FRMD4B: variants seen among roughly 807,000 people sequenced by gnomAD.
The protein encoded by FRMD4B is FERM domain-containing protein 4B.
Under a neutral mutation model 141.5 loss-of-function variants are expected in FRMD4B, and 74 were observed. The ratio of observed to expected loss-of-function variants is 0.52; its 90% CI spans 0.43 to 0.63. The LOEUF is 0.63. Among genes scored for constraint, FRMD4B ranks in the 30% least tolerant of loss-of-function variants. The pLI is 0.00. For synonymous variants in FRMD4B, 506 were observed against 467.9 expected, an observed-to-expected ratio of 1.08 and a Z score of -1.05; for missense variants, 1,366 against 1,253.4, an observed-to-expected ratio of 1.09 and a Z score of -1.36.
intron 1 of FRMD4B, among the ~76,000 whole-genome samples, chr3:69,376,204 C>CA (rs989706399): frequency 1.3e-5 from 2 of 151,896 alleles, no homozygotes; most frequent in African/African-American, 4.8e-5. Flanking sequence ...GGAAGAGGTA[C>CA]AAAGGAGGTT....
Position 69,458,907 on chromosome 3 carries a change from G to A in FRMD4B, c.-128-26146C>T, listed in dbSNP as rs765131805. Among the ~76,000 whole-genome samples the A allele has an allele frequency of 3.4e-5, 5 of 148,764 alleles. No individual in the cohort carries two copies. The South Asian group carries it at 8.6e-4, about 26-fold the overall frequency. ...ATTTGCTCCAAAGACCCACCACTTC[G>A]GATTCACAAAGATGTCACTTAAAAT... On this transcript the variant is annotated intron_variant, in intron 1 of 5. Transcript: ENST00000459638.
intron 11 of FRMD4B, among the ~76,000 whole-genome samples, chr3:69,215,400 C>T (rs1181340226): frequency 6.8e-6 from 1 of 146,006 alleles, no homozygotes; most frequent in Admixed American, 7.0e-5. Context: ...TCAAGCAATG[C>T]TCGTGCCTCA....
Position 69,196,335 on chromosome 3 carries a change from G to A in FRMD4B, c.1154C>T (p.Thr385Ile), listed in dbSNP as rs2092903694. 5.6e-6 allele frequency: 9 copies of A among 1,610,778 alleles called. No individual in the cohort carries two copies. The highest frequency in any genetic ancestry group is 1.7e-5 in the Admixed American group (1 of 59,376). ...TGTCACCAGCTTGGAGGCCCTTTGTGTTCCTGTCTCTGTCAAATCCATTGC... is the reference window on the plus strand; with the variant it reads ...TGTCACCAGCTTGGAGGCCCTTTGTATTCCTGTCTCTGTCAAATCCATTGC... ...EIAMDLTETGTQRASKLVTLE... is the reference protein window; with the variant it reads ...EIAMDLTETGIQRASKLVTLE... The change falls in exon 14 of 23, where the codon ACA (threonine) becomes ATA (isoleucine). Residue 385 changes from threonine to isoleucine, a missense_variant. Thr to Ile is a moderately conservative substitution (Grantham distance 89, BLOSUM62 -1). Coordinates refer to ENST00000398540, the MANE Select transcript of FRMD4B (RefSeq NM_015123.3).
intron 5 of FRMD4B, among the ~76,000 whole-genome samples, chr3:69,258,253 A>C (rs1444629466): frequency 6.6e-6 from 1 of 152,208 alleles, no homozygotes; most frequent in Non-Finnish European, 1.5e-5. Context: ...GGCGTGAGCC[A>C]CTGCGCCCAG....
chr3:69,199,687 C>G (rs1212959081), intron 11 of FRMD4B, among the ~76,000 whole-genome samples: 2 of 152,194 alleles, frequency 1.3e-5, no homozygotes, highest in East Asian at 3.8e-4. Flanking sequence ...TTGAACATAG[C>G]TAGCTCCCAG....
At chr3:69,280,025 G>A (rs1307156474) in intron 5 of FRMD4B, among the ~76,000 whole-genome samples, 1 of 152,114 alleles carries the variant, frequency 6.6e-6, no homozygotes, top group East Asian at 1.9e-4. Context: ...GGTGGTCCAT[G>A]TTGGCTGATT....
At chr3:69,523,643 A>C (rs1243940074) in intron 1 of FRMD4B, among the ~76,000 whole-genome samples, 1 of 152,150 alleles carries the variant, frequency 6.6e-6, no homozygotes, top group Non-Finnish European at 1.5e-5. Flanking sequence ...AGTGTCACAG[A>C]GCCATATTTA....
At chr3:69,415,676 C>T (rs1200503159) in intron 2 of FRMD4B, among the ~76,000 whole-genome samples, 1 of 152,226 alleles carries the variant, frequency 6.6e-6, no homozygotes, top group African/African-American at 2.4e-5. Flanking sequence ...CTTCTTAGAA[C>T]AGCAATTATT....
intron 7 of FRMD4B, among the ~76,000 whole-genome samples, chr3:69,232,925 T>C (rs1219495558): frequency 2.7e-5 from 4 of 149,466 alleles, no homozygotes; most frequent in Non-Finnish European, 5.9e-5. Context: ...TTTTTTTTTT[T>C]TTTTTTGGTA....
chr3:69,443,175 G>T (rs941847107), intron 1 of FRMD4B, among the ~76,000 whole-genome samples: 1 of 152,270 alleles, frequency 6.6e-6, no homozygotes, highest in Admixed American at 6.5e-5. Flanking sequence ...GGGGAGAGGG[G>T]CTGGAGGTTG....
chr3:69,425,122 A>G (rs1452769809), intron 2 of FRMD4B, among the ~76,000 whole-genome samples: 1 of 152,170 alleles, frequency 6.6e-6, no homozygotes, highest in Non-Finnish European at 1.5e-5. Context: ...TGGTGTTATT[A>G]TCTCTTATCA....
At chr3:69,177,895 T>A (rs1448529801) in intron 21 of FRMD4B, among the ~76,000 whole-genome samples, 1 of 151,990 alleles carries the variant, frequency 6.6e-6, no homozygotes, top group Non-Finnish European at 1.5e-5. Context: ...CTATTTTTTG[T>A]CTTAAAAAAA....
intron 1 of FRMD4B, among the ~76,000 whole-genome samples, chr3:69,323,608 GTATATATATATA>G (rs55847019): frequency 0.033 from 3,326 of 101,570 alleles, 86 homozygotes; most frequent in South Asian, 0.089. Context: ...CTCTCTCTGT[GTATATATATATA>G]TATATATATA....
Position 69,178,027 on chromosome 3 carries a change from T to G in FRMD4B, c.2852-1371A>C, listed in dbSNP as rs1296584466. Among the ~76,000 whole-genome samples, 4 of 152,144 alleles carry G rather than the reference T, an allele frequency of 2.6e-5. No individual in the cohort carries two copies. The East Asian group carries it at 5.8e-4, about 22-fold the overall frequency. Reference sequence around the variant, plus strand: ...ACTGAACTGGAACAAGACAAGGACATAATTTGGGAGCGAAGCCCAACAAAT... The same window carrying G: ...ACTGAACTGGAACAAGACAAGGACAGAATTTGGGAGCGAAGCCCAACAAAT... On this transcript the variant is annotated intron_variant, in intron 21 of 22. Transcript: ENST00000398540.
chr3:69,314,182 A>C (rs1575721810), intron 1 of FRMD4B, among the ~76,000 whole-genome samples: 1 of 100,318 alleles, frequency 1.0e-5, no homozygotes, highest in Non-Finnish European at 1.8e-5. Context: ...AAGCCTCTCC[A>C]TCCCAGAGGA....
intron 1 of FRMD4B, among the ~76,000 whole-genome samples, chr3:69,480,086 G>A (rs532359323): frequency 1.6e-4 from 25 of 152,160 alleles, no homozygotes; most frequent in Middle Eastern, 3.4e-3. Context: ...CTCTGTATTG[G>A]TTATTCTAGT....
At chr3:69,486,287 T>C (rs1292929229) in intron 1 of FRMD4B, among the ~76,000 whole-genome samples, 1 of 152,202 alleles carries the variant, frequency 6.6e-6, no homozygotes, top group Non-Finnish European at 1.5e-5. Context: ...GTAAGTTCTT[T>C]AGTGATCTGT....
chr3:69,219,541 G>A (rs112129325), intron 9 of FRMD4B, among the ~76,000 whole-genome samples: 21 of 151,732 alleles, frequency 1.4e-4, no homozygotes, highest in South Asian at 2.1e-4. Flanking sequence ...AAATGAAACC[G>A]TCTCTTAGAT....
At position 69,501,929 on chromosome 3, in the gene FRMD4B, C is replaced by T. The variant is rs193276961; in HGVS notation, c.-129+40277G>A. On this transcript the variant is annotated intron_variant, in intron 1 of 5. Coordinates refer to the FRMD4B transcript ENST00000459638. Reference sequence around the variant, plus strand: ...CAAATCATGAGTGAATTCCCGTTCACAATTGCTTCAAAGAGAATAAAATAC... The same window carrying T: ...CAAATCATGAGTGAATTCCCGTTCATAATTGCTTCAAAGAGAATAAAATAC... Among the ~76,000 whole-genome samples, 252 of 152,264 alleles carry T rather than the reference C, an allele frequency of 1.7e-3. 1 individual carries two copies. Among genetic ancestry groups the T allele is most frequent in the African/African-American group, 5.8e-3 (241 of 41,540 alleles).
Sources: allele counts gnomAD v4.1 joint callset (sites outside exome capture counted in the v4.1 genomes callset), GRCh38; gene constraint gnomAD v4.1.1; transcripts MANE v1.5; gene names NCBI Gene and HGNC (gene_info 2026-07-23, HGNC 2026-07-21).